The following GLTP variants were observed in gnomAD, a reference collection of about 807,000 sequenced individuals.
GLTP encodes glycolipid transfer protein.
Under a neutral mutation model 24.0 loss-of-function variants are expected in GLTP, and 22 were observed. That is an observed-to-expected ratio of 0.92 (90% CI 0.65 to 1.31). The LOEUF (loss-of-function observed/expected upper bound fraction) is 1.31, where lower values mean the gene tolerates loss of function less well. Ranked by LOEUF, GLTP falls within the 50% of genes most tolerant of loss-of-function variation. The probability of loss-of-function intolerance (pLI) is 0.00; values close to 1 mark genes in which losing one functional copy is unlikely to be tolerated. For synonymous variants in GLTP, 92 were observed against 115.9 expected (o/e 0.79, Z 1.33); for missense variants, 224 against 276.6 (o/e 0.81, Z 1.35).
rs772177670 is a variant in GLTP at position 109,855,795 on chromosome 12, G to A, written c.297-26C>T. On this transcript the variant is annotated intron_variant, in intron 3 of 4. Transcript: ENST00000318348. The surrounding 1 kb of genome is among the most constrained non-coding windows in gnomAD (Gnocchi z 4.1). ...CTGTGGCCCAGGGAGGAGAAGGTTC[G>A]TTAGGACCCTGCACAGCCCTGTCGT... The A allele has an allele frequency of 1.4e-5, 21 of 1,555,494 alleles. No homozygotes were observed. The highest frequency in any genetic ancestry group is 9.6e-5 in the African/African-American group (7 of 72,708).
chr12:109,874,702 G>A (rs1868830855), intron 1 of GLTP, among the ~76,000 whole-genome samples: 2 of 152,186 alleles, frequency 1.3e-5, no homozygotes, highest in African/African-American at 4.8e-5. Context: ...TCTGCCACAA[G>A]TACAGGCTAT....
In GLTP at chr12:109,857,723, G is replaced by T; in HGVS notation, c.163-64C>A. 1.3e-6 allele frequency: 2 copies of T among 1,575,544 alleles called. No homozygotes were observed. The highest frequency in any genetic ancestry group is 3.3e-5 in the Admixed American group (2 of 59,926). The stretch of plus-strand genomic sequence containing the variant: ...GCCCCCATAGACATCTGGCCCGCAC[G>T]CTGGGTGAAAAGCACCCTACCGGCA... On this transcript the variant is annotated intron_variant, in intron 2 of 4. Coordinates refer to ENST00000318348, the MANE Select transcript of GLTP (RefSeq NM_016433.4). This position sits in a 1 kb window ranked among gnomAD's most constrained non-coding sequence, Gnocchi z 4.3.
intron 1 of GLTP, among the ~76,000 whole-genome samples, chr12:109,862,716 C>T (rs983176217): frequency 6.6e-6 from 1 of 152,106 alleles, no homozygotes; most frequent in African/African-American, 2.4e-5. Flanking sequence ...TGTCACTGCA[C>T]TCCAGCCTGC....
intron 1 of GLTP, among the ~76,000 whole-genome samples, chr12:109,872,948 G>A (rs1052531680): frequency 3.3e-5 from 5 of 152,174 alleles, no homozygotes; most frequent in African/African-American, 1.2e-4. Flanking sequence ...GCTGCATGTG[G>A]CCCAGGACCG....
intron 1 of GLTP, among the ~76,000 whole-genome samples, chr12:109,863,380 A>G (rs934260720): frequency 5.9e-5 from 9 of 152,180 alleles, no homozygotes; most frequent in African/African-American, 2.2e-4. Flanking sequence ...TAAACCAACA[A>G]TCTTGCCACC....
chr12:109,854,186 T>C (rs1892763981), intron 4 of GLTP, among the ~76,000 whole-genome samples: 1 of 151,654 alleles, frequency 6.6e-6, no homozygotes, highest in Admixed American at 6.6e-5. Context: ...TGGTGAAATC[T>C]CGTCTCTACA....
chr12:109,872,278 T>C (rs1254890176), intron 1 of GLTP, among the ~76,000 whole-genome samples: 1 of 152,238 alleles, frequency 6.6e-6, no homozygotes, highest in Non-Finnish European at 1.5e-5. Context: ...GTAGGATGGA[T>C]GGCCCTAGAC....
At chr12:109,862,830 T>A (rs946633273) in intron 1 of GLTP, among the ~76,000 whole-genome samples, 8 of 151,886 alleles carry the variant, frequency 5.3e-5, no homozygotes, top group Admixed American at 3.9e-4. Context: ...GGCGGGTGGA[T>A]CACCTGAGGT....
rs1892731484 is a variant in GLTP at position 109,852,017 on chromosome 12, T to G, written c.*538A>C. 6.6e-6 allele frequency: 1 copy of G among 152,280 alleles called. No individual in the cohort carries two copies. The highest frequency in any genetic ancestry group is 1.5e-5 in the Non-Finnish European group (1 of 68,134). The allele number at this position is 152,280 out of a possible 1,614,324, so 9.4% of individuals were successfully genotyped here. Reference sequence around the variant, plus strand: ...CGTGCGCCACCATGCCCAGCTAATTTTTTATATTTTTAGTAGCGATGGGGT... The same window carrying G: ...CGTGCGCCACCATGCCCAGCTAATTGTTTATATTTTTAGTAGCGATGGGGT... On this transcript the variant is annotated 3_prime_UTR_variant, in exon 5 of 5. Coordinates refer to ENST00000318348, the MANE Select transcript of GLTP (RefSeq NM_016433.4).
rs1046243015 is a variant in GLTP, at chr12:109,880,325, T to C, written c.50A>G (p.Gln17Arg). The C allele has an allele frequency of 2.5e-6, 4 of 1,599,382 alleles. No individual in the cohort carries two copies. The African/African-American group carries it at 5.4e-5, about 22-fold the overall frequency. ...HLLKPLPADK[Q>R]IETGPFLEAV... Reference sequence around the variant, plus strand: ...CTCGAGGAAGGGCCCGGTCTCGATCTGCTTGTCCGCGGGCAGCGGCTTCAG... The same window carrying C: ...CTCGAGGAAGGGCCCGGTCTCGATCCGCTTGTCCGCGGGCAGCGGCTTCAG... The change falls in exon 1 of 5, where the codon CAG becomes CGG. Residue 17 changes from glutamine to arginine, a missense_variant. Gln to Arg is a conservative substitution (Grantham distance 43). Coordinates refer to ENST00000318348, the MANE Select transcript of GLTP (RefSeq NM_016433.4). This position sits in a 1 kb window ranked among gnomAD's most constrained non-coding sequence, Gnocchi z 5.1.
In GLTP at chr12:109,868,117, G is replaced by C. The variant is rs542234933; in HGVS notation, c.104-9376C>G. On this transcript the variant is annotated intron_variant, in intron 1 of 4. Transcript: ENST00000318348. Reference sequence around the variant, plus strand: ...CCTCCGAGGCTCAAGTGATCCTCCAGCCTCAGTCTCTGGAGTAGCTGAGAC... The same window carrying C: ...CCTCCGAGGCTCAAGTGATCCTCCACCCTCAGTCTCTGGAGTAGCTGAGAC... Among the ~76,000 whole-genome samples, 64 of 152,326 alleles carry C rather than the reference G, an allele frequency of 4.2e-4. No individual in the cohort carries two copies. In the South Asian group the frequency reaches 0.012, roughly 29 times the overall value.
chr12:109,858,638 T>G, intron 2 of GLTP, 45 bp downstream of exon 2: 1 of 1,475,374 alleles, frequency 6.8e-7, no homozygotes. Context: ...GGGCTTAGAT[T>G]CCTAACGCAA....
intron 2 of GLTP, chr12:109,858,140 T>G (rs1489170028): frequency 2.2e-6 from 1 of 457,820 alleles, no homozygotes; most frequent in East Asian, 6.9e-5. Flanking sequence ...TGCCACGTAC[T>G]TGCTTGTGAC....
intron 1 of GLTP, among the ~76,000 whole-genome samples, chr12:109,861,487 C>T (rs766654635): frequency 6.6e-6 from 1 of 152,188 alleles, no homozygotes; most frequent in Non-Finnish European, 1.5e-5. Flanking sequence ...CAGTAGCTCA[C>T]GCCTGTAATC....
intron 1 of GLTP, among the ~76,000 whole-genome samples, chr12:109,862,510 T>A (rs1408966438): frequency 1.3e-5 from 2 of 152,210 alleles, no homozygotes; most frequent in African/African-American, 4.8e-5. Context: ...ATGGATGGGC[T>A]ACATGGGGAC....
At position 109,880,224 on chromosome 12, in the gene GLTP, G is replaced by A. The variant is rs138072824; in HGVS notation, c.103+48C>T. The stretch of plus-strand genomic sequence containing the variant: ...GGGATGCTCGGGGGAAGGAGGATTC[G>A]GGTGCGCGTGGGGCTGCGGGCCGCC... On this transcript the variant is annotated intron_variant, in intron 1 of 4. Coordinates refer to ENST00000318348, the MANE Select transcript of GLTP (RefSeq NM_016433.4). This position sits in a 1 kb window ranked among gnomAD's most constrained non-coding sequence, Gnocchi z 5.1. 2,027 of 1,111,716 alleles carry A rather than the reference G, an allele frequency of 1.8e-3. 6 individuals carry two copies. Among genetic ancestry groups the A allele is most frequent in the Middle Eastern group, 2.9e-3 (10 of 3,478 alleles). The allele number at this position is 1,111,716 out of a possible 1,614,324, so 68.9% of individuals were successfully genotyped here.
chr12:109,879,356 A>AG (rs1868987065), intron 1 of GLTP, among the ~76,000 whole-genome samples: 1 of 152,196 alleles, frequency 6.6e-6, no homozygotes, highest in South Asian at 2.1e-4. Flanking sequence ...GGCAAAGGGC[A>AG]GGGGCAGTGG....
intron 1 of GLTP, among the ~76,000 whole-genome samples, chr12:109,872,083 C>G (rs1400017766): frequency 6.6e-6 from 1 of 152,248 alleles, no homozygotes. Flanking sequence ...ACCACCATCC[C>G]AGGACCGGGT....
chr12:109,875,790 C>T (rs912867507), intron 1 of GLTP, among the ~76,000 whole-genome samples: 5 of 152,260 alleles, frequency 3.3e-5, no homozygotes, highest in Admixed American at 1.3e-4. Context: ...GGCCCGCAGC[C>T]AGCGCCCACT....
Sources: allele counts gnomAD v4.1 joint callset (sites outside exome capture counted in the v4.1 genomes callset), GRCh38; gene constraint gnomAD v4.1.1; non-coding constraint Gnocchi (gnomAD v3.1); transcripts MANE v1.5; gene names NCBI Gene and HGNC (gene_info 2026-07-23, HGNC 2026-07-21).